TRMT11: variants seen among roughly 807,000 people sequenced by gnomAD.
The protein encoded by TRMT11 is tRNA (guanine(10)-N(2))-methyltransferase TRMT11.
In TRMT11, 53 loss-of-function variants were observed where a neutral mutation model predicts 62.8. The observed-to-expected ratio is 0.84, with a 90% CI of 0.68 to 1.06. The LOEUF (loss-of-function observed/expected upper bound fraction) is 1.06. Ranked by LOEUF, TRMT11 falls within the 50% of genes least tolerant of loss-of-function variation. The probability of loss-of-function intolerance (pLI) is 0.00; values close to 1 mark genes in which losing one functional copy is unlikely to be tolerated. For synonymous variants in TRMT11, 188 were observed against 190.3 expected (o/e 0.99, Z 0.10); for missense variants, 556 against 553.4 (o/e 1.00, Z -0.05).
intron 17 of TRMT11, among the ~76,000 whole-genome samples, chr6:126,082,199 C>T (rs557010697): frequency 1.3e-5 from 2 of 151,990 alleles, no homozygotes; most frequent in Non-Finnish European, 2.9e-5. Flanking sequence ...CCGATACCAC[C>T]GAAAGTGGAC....
chr6:126,090,127 T>C (rs1355836135), intron 17 of TRMT11, among the ~76,000 whole-genome samples: 1 of 152,208 alleles, frequency 6.6e-6, no homozygotes, highest in African/African-American at 2.4e-5. Flanking sequence ...ACCCCTGCCC[T>C]GGGAGCCTAA....
chr6:126,207,752 C>G (rs753465708), downstream of TRMT11, among the ~76,000 whole-genome samples: 2 of 152,062 alleles, frequency 1.3e-5, no homozygotes, highest in African/African-American at 2.4e-5. Flanking sequence ...TTTTTGCCAG[C>G]AAGTGCATTA....
chr6:126,100,087 G>C (rs986846345), intron 17 of TRMT11, among the ~76,000 whole-genome samples: 1 of 152,154 alleles, frequency 6.6e-6, no homozygotes, highest in Non-Finnish European at 1.5e-5. Context: ...TGCATGCTTT[G>C]AGTTGAAAGT....
At chr6:126,217,132 C>T in the TRMT11 span, among the ~76,000 whole-genome samples, 1 of 152,082 alleles carries the variant, frequency 6.6e-6, no homozygotes, top group Non-Finnish European at 1.5e-5. Context: ...TGATAGAATT[C>T]TGAGTTATTT....
chr6:126,078,158 A>G (rs770351246), intron 17 of TRMT11, among the ~76,000 whole-genome samples: 9 of 152,204 alleles, frequency 5.9e-5, no homozygotes, highest in Non-Finnish European at 1.0e-4. Context: ...CTGAAAGCTA[A>G]GAGTCACTTT....
chr6:126,230,706 C>T, the TRMT11 span, among the ~76,000 whole-genome samples: 1 of 151,952 alleles, frequency 6.6e-6, no homozygotes, highest in African/African-American at 2.4e-5. Context: ...TGGTGGTATG[C>T]GACTTTCACC....
chr6:126,200,235 A>T (rs1420379659), intron 3 of TRMT11, among the ~76,000 whole-genome samples: 5 of 152,212 alleles, frequency 3.3e-5, no homozygotes, highest in Non-Finnish European at 5.9e-5. Flanking sequence ...CCTGACAAAG[A>T]TCCTCGAAGA....
chr6:126,271,464 T>A, the TRMT11 span, among the ~76,000 whole-genome samples: 5 of 151,442 alleles, frequency 3.3e-5, no homozygotes, highest in Non-Finnish European at 7.4e-5. Context: ...CATTCTATCT[T>A]ATTCTTATTT....
chr6:126,242,764 A>T, the TRMT11 span, among the ~76,000 whole-genome samples: 1 of 152,160 alleles, frequency 6.6e-6, no homozygotes, highest in Non-Finnish European at 1.5e-5. Context: ...CCTTCCTTAC[A>T]CCTCATACAA....
intron 2 of TRMT11, among the ~76,000 whole-genome samples, chr6:125,994,510 C>T (rs938649462): frequency 2.0e-5 from 3 of 151,774 alleles, no homozygotes; most frequent in Admixed American, 1.3e-4. Flanking sequence ...AAAATTTTCT[C>T]AATAAAAGTA....
chr6:126,078,422 C>T (rs1417682269), intron 17 of TRMT11, among the ~76,000 whole-genome samples: 1 of 149,334 alleles, frequency 6.7e-6, no homozygotes, highest in African/African-American at 2.5e-5. Flanking sequence ...GAGTTGGACT[C>T]AGGCATTTTT....
At chr6:126,245,160 A>G in the TRMT11 span, among the ~76,000 whole-genome samples, 14 of 152,242 alleles carry the variant, frequency 9.2e-5, no homozygotes, top group Admixed American at 9.2e-4. Context: ...CAATTATTCT[A>G]GGAACCCTTG....
upstream of TRMT11, among the ~76,000 whole-genome samples, chr6:126,173,287 G>A (rs898547225): frequency 1.3e-5 from 2 of 152,176 alleles, no homozygotes; most frequent in African/African-American, 4.8e-5. Flanking sequence ...TCCTTGAGGA[G>A]AGATTAGTAC....
At chr6:126,051,287 G>A (rs977525711) in intron 16 of TRMT11, among the ~76,000 whole-genome samples, 7 of 152,184 alleles carry the variant, frequency 4.6e-5, no homozygotes, top group Non-Finnish European at 8.8e-5. Flanking sequence ...AGGAGGTAAT[G>A]ATGTGTGAGG....
downstream of TRMT11, among the ~76,000 whole-genome samples, chr6:126,043,322 C>G (rs868670298): frequency 2.4e-3 from 366 of 150,054 alleles, no homozygotes; most frequent in Non-Finnish European, 4.3e-3. Flanking sequence ...TTTGTTCTTG[C>G]GATAGTTTAC....
At chr6:126,122,968 A>T (rs1439301951) in intron 21 of TRMT11, among the ~76,000 whole-genome samples, 1 of 152,154 alleles carries the variant, frequency 6.6e-6, no homozygotes, top group East Asian at 1.9e-4. Context: ...AAATAATTAA[A>T]GCATAACTTA....
At chr6:125,989,187 G>T (rs1172480545) in intron 1 of TRMT11, among the ~76,000 whole-genome samples, 1 of 145,102 alleles carries the variant, frequency 6.9e-6, no homozygotes, top group Non-Finnish European at 1.5e-5. Context: ...GGAGTGCAGT[G>T]GCGCGGTCTC....
intron 12 of TRMT11, among the ~76,000 whole-genome samples, chr6:126,034,833 C>T (rs1774868718): frequency 6.6e-6 from 1 of 151,836 alleles, no homozygotes. Flanking sequence ...TGAGGATACT[C>T]TTCTCCTTTT....
At chr6:126,272,077 T>C in the TRMT11 span, among the ~76,000 whole-genome samples, 1 of 152,156 alleles carries the variant, frequency 6.6e-6, no homozygotes, top group Non-Finnish European at 1.5e-5. Flanking sequence ...AAAATGTACA[T>C]AGTTATTATT....
Sources: gnomAD v4.1 joint callset for allele counts (sites outside exome capture counted in the v4.1 genomes callset) on GRCh38, gnomAD v4.1.1 for gene constraint, MANE v1.5 for transcripts, NCBI Gene and HGNC (gene_info 2026-07-23, HGNC 2026-07-21) for gene names.